Variants in CTR9 observed in about 807,000 individuals in gnomAD.
The protein encoded by CTR9 is CTR9 component of Paf1/RNA polymerase II complex.
In CTR9, 41 loss-of-function variants were observed where a neutral mutation model predicts 152.1. The ratio of observed to expected loss-of-function variants is 0.27; its 90% CI spans 0.21 to 0.35. The LOEUF (loss-of-function observed/expected upper bound fraction) is 0.35, where lower values mean the gene tolerates loss of function less well. CTR9 is among the 10% of genes least tolerant of loss of function. The pLI is 1.00. For missense variants in CTR9, 917 were observed against 1,424.4 expected, an observed-to-expected ratio of 0.64 and a Z score of 5.73; for synonymous variants, 476 against 496.2, an observed-to-expected ratio of 0.96 and a Z score of 0.54.
chr11:10,760,621 T>C (rs2135363556), intron 6 of CTR9, among the ~76,000 whole-genome samples: 1 of 151,836 alleles, frequency 6.6e-6, no homozygotes, highest in Middle Eastern at 3.4e-3. Flanking sequence ...AAAACAAAAC[T>C]TGTTTTTTAA....
At chr11:10,770,124 T>A (rs1380321519) in intron 16 of CTR9, 86 bp from the exon 17 acceptor site, 3 of 935,248 alleles carry the variant, frequency 3.2e-6, no homozygotes, top group Non-Finnish European at 4.9e-6. Flanking sequence ...TTACAGAGCT[T>A]TAAAATTGCA....
intron 11 of CTR9, 41 bp from the exon 12 acceptor site, chr11:10,764,507 T>C: frequency 1.2e-6 from 2 of 1,604,910 alleles, no homozygotes; most frequent in Non-Finnish European, 1.7e-6. Flanking sequence ...AAAAAGTGTA[T>C]AAACTAAATC....
chr11:10,776,725 C>T (rs1018581637), intron 24 of CTR9, among the ~76,000 whole-genome samples: 1 of 152,108 alleles, frequency 6.6e-6, no homozygotes, highest in East Asian at 1.9e-4. Flanking sequence ...GTAATCCCAG[C>T]ACTTTGAGAG....
At chr11:10,756,611 T>C in intron 4 of CTR9, 138 bp from the exon 5 acceptor site, 1 of 552,506 alleles carries the variant, frequency 1.8e-6, no homozygotes, top group South Asian at 3.3e-5. Flanking sequence ...AAAAACAAAT[T>C]TTTAATATGA....
At position 10,778,819 on chromosome 11, in the gene CTR9, A is replaced by AGC; in HGVS notation, c.3238_3239dup (p.Ser1081GlyfsTer110). 6.2e-7 allele frequency: 1 copy of AGC among 1,614,258 alleles called. No homozygotes were observed. Among genetic ancestry groups the AGC allele is most frequent in the Non-Finnish European group, 8.5e-7 (1 of 1,180,046 alleles). The stretch of plus-strand genomic sequence containing the variant: ...GGCAGTCCCCGGAGGCCACGAAGAC[A>AGC]GCGGTCAGATCAGGACTCAGACAGT... On this transcript the variant is annotated frameshift_variant, in exon 25 of 25. Coordinates refer to ENST00000361367, the MANE Select transcript of CTR9 (RefSeq NM_014633.5). LOFTEE classifies it high-confidence loss of function.
Position 10,775,201 on chromosome 11 carries a change from T to C in CTR9, c.2886-6T>C. ...ACAAACTCTCTCTTGGTGTTCACTA[T>C]TTAAGACATCCAAAGGGAGAAGAAG... On this transcript the variant is annotated splice_region_variant and splice_polypyrimidine_tract_variant and intron_variant, in intron 22 of 24. Transcript: ENST00000361367. The C allele has an allele frequency of 6.2e-7, 1 of 1,612,104 alleles. No individual in the cohort carries two copies. The highest frequency in any genetic ancestry group is 1.1e-5 in the South Asian group (1 of 91,008).
rs758349684 is a variant in CTR9, at chr11:10,772,491, C to T, written c.2445-29C>T. The T allele has an allele frequency of 3.6e-6, 5 of 1,397,814 alleles. No individual in the cohort carries two copies. The East Asian group carries it at 7.9e-5, about 22-fold the overall frequency. 86.6% of individuals were successfully genotyped at this position (1,397,814 alleles called of 1,614,324 possible). A position where few individuals can be genotyped will look rare whatever the true frequency, so the allele number is the denominator to read the frequency against. On this transcript the variant is annotated intron_variant, in intron 19 of 24. Coordinates refer to ENST00000361367, the MANE Select transcript of CTR9 (RefSeq NM_014633.5). ...AGTTTTTTAATATAGTAGTTACATT[C>T]ATGTTTCTCTAAACCTGAAATGTTC... is the stretch of plus-strand genomic sequence containing the variant.
rs1466475868 is a variant in CTR9 at position 10,767,144 on chromosome 11, TACA to T, written c.1687-657_1687-655del. Reference sequence around the variant, plus strand: ...TTTGAAAACCACTCATGTGGGGGTCTACAACAAGAAGTGTATATTTTCAAACAA... The same window carrying T: ...TTTGAAAACCACTCATGTGGGGGTCTACAAGAAGTGTATATTTTCAAACAA... On this transcript the variant is annotated intron_variant, in intron 13 of 24. Transcript: ENST00000361367. This position sits in a 1 kb window ranked among gnomAD's most constrained non-coding sequence, Gnocchi z 4.0. The T allele has an allele frequency of 2.6e-5, 4 of 152,870 alleles. No homozygotes were observed. Among genetic ancestry groups the T allele is most frequent in the Non-Finnish European group, 4.4e-5 (3 of 68,200 alleles). The allele number at this position is 152,870 out of a possible 1,614,324, so 9.5% of individuals were successfully genotyped here.
intron 16 of CTR9, among the ~76,000 whole-genome samples, chr11:10,769,010 C>A (rs1025818219): frequency 2.0e-5 from 3 of 152,060 alleles, no homozygotes; most frequent in Non-Finnish European, 4.4e-5. Context: ...ATCACGAGGT[C>A]AGGAGTTCGA....
At chr11:10,758,348 G>A (rs930998999) in intron 5 of CTR9, among the ~76,000 whole-genome samples, 1 of 152,136 alleles carries the variant, frequency 6.6e-6, no homozygotes, top group African/African-American at 2.4e-5. Flanking sequence ...CTGCAGACAG[G>A]CAGGTCAGAG....
chr11:10,770,418 T>C, intron 17 of CTR9, 69 bp from the exon 18 acceptor site: 2 of 1,583,742 alleles, frequency 1.3e-6, no homozygotes, highest in South Asian at 2.3e-5. Context: ...TACTACTTAA[T>C]AATACTCTGC....
intron 9 of CTR9, 72 bp downstream of exon 9, chr11:10,763,951 T>TA (rs1406007927): frequency 7.5e-7 from 1 of 1,340,022 alleles, no homozygotes; most frequent in Non-Finnish European, 1.0e-6. Flanking sequence ...CATTTCCTGT[T>TA]ATTGCTAGTA....
Position 10,755,021 on chromosome 11 carries a change from G to A in CTR9, c.208G>A (p.Asp70Asn). The change falls in exon 3 of 25, where the codon GAT becomes AAT. Residue 70 changes from aspartate (D) to asparagine (N), a missense_variant. Asp to Asn is a conservative substitution (Grantham distance 23). Transcript: ENST00000361367. ...FVKLLEAARI[D>N]GNLDYRDHEK... is the part of the protein sequence containing the mutation. ...AAAATTGTTGGAAGCAGCACGTATA[G>A]ATGGCAATTTGGACTATAGAGACCA... 6.2e-7 allele frequency: 1 copy of A among 1,614,080 alleles called. No homozygotes were observed. The highest frequency in any genetic ancestry group is 8.5e-7 in the Non-Finnish European group (1 of 1,179,978).
chr11:10,776,891 TGAAAC>T (rs1863246147), intron 24 of CTR9, among the ~76,000 whole-genome samples: 1 of 137,164 alleles, frequency 7.3e-6, no homozygotes. Context: ...AAGAATCACT[TGAAAC>T]GAGGAGGCAG....
chr11:10,777,477 A>T (rs1046094223), intron 24 of CTR9, among the ~76,000 whole-genome samples: 1 of 152,164 alleles, frequency 6.6e-6, no homozygotes, highest in Non-Finnish European at 1.5e-5. Context: ...GTTTTTCCGT[A>T]AAGCACTGTT....
At chr11:10,763,615 T>C (rs376089534) in intron 8 of CTR9, 28 bp from the exon 9 acceptor site, 176 of 1,575,894 alleles carry the variant, frequency 1.1e-4, no homozygotes, top group Non-Finnish European at 1.4e-4. Flanking sequence ...TTTGTACATA[T>C]TGGTCTTTTT....
chr11:10,760,480 C>T (rs906974180), intron 6 of CTR9, among the ~76,000 whole-genome samples, 159 bp downstream of exon 6: 8 of 152,022 alleles, frequency 5.3e-5, no homozygotes, highest in Admixed American at 5.2e-4. Context: ...TATTGGGGCA[C>T]TACCCCAAAA....
intron 21 of CTR9, 80 bp downstream of exon 21, chr11:10,773,353 TC>T: frequency 6.5e-7 from 1 of 1,543,432 alleles, no homozygotes; most frequent in East Asian, 2.3e-5. Context: ...TTGGTTAAAT[TC>T]CTTCTGTACT....
At position 10,751,332 on chromosome 11, in the gene CTR9, T is replaced by C. The variant is rs1002142262; in HGVS notation, c.-81T>C. 23 of 1,468,370 alleles carry C rather than the reference T, an allele frequency of 1.6e-5. No homozygotes were observed. In the African/African-American group the frequency reaches 3.1e-4, roughly 19 times the overall value. The allele number at this position is 1,468,370 out of a possible 1,614,324, so 91.0% of individuals were successfully genotyped here. A position where few individuals can be genotyped will look rare whatever the true frequency, so the allele number is the denominator to read the frequency against. On this transcript the variant is annotated 5_prime_UTR_variant, in exon 1 of 25. Coordinates refer to ENST00000361367, the MANE Select transcript of CTR9 (RefSeq NM_014633.5). Reference sequence around the variant, plus strand: ...TCAAGACCAGAGCCGGAGCCGTCACTCACCTCTGGATTAGCCTGAAGCGGA... The same window carrying C: ...TCAAGACCAGAGCCGGAGCCGTCACCCACCTCTGGATTAGCCTGAAGCGGA...
Sources: gnomAD v4.1 joint callset for allele counts (sites outside exome capture counted in the v4.1 genomes callset) on GRCh38, gnomAD v4.1.1 for gene constraint, Gnocchi (gnomAD v3.1) non-coding constraint, MANE v1.5 for transcripts, NCBI Gene and HGNC (gene_info 2026-07-23, HGNC 2026-07-21) for gene names.